APOOL: variants seen among roughly 807,000 people sequenced by gnomAD.
APOOL encodes apolipoprotein O like.
In APOOL, 12 loss-of-function variants were observed where a neutral mutation model predicts 23.1. That is an observed-to-expected ratio of 0.52 (90% CI 0.33 to 0.84). The LOEUF (loss-of-function observed/expected upper bound fraction) is 0.84. Among genes scored for constraint, APOOL ranks in the 40% least tolerant of loss-of-function variants. The probability of loss-of-function intolerance (pLI) is 0.02; values close to 1 mark genes in which losing one functional copy is unlikely to be tolerated. For synonymous variants in APOOL, 77 were observed against 69.9 expected (o/e 1.10, Z -0.51); for missense variants, 212 against 199.6 (o/e 1.06, Z -0.37).
intron 1 of APOOL, among the ~76,000 whole-genome samples, chrX:85,009,022 A>ATTGC (rs1384475685): frequency 9.0e-6 from 1 of 111,181 alleles, no homozygotes; most frequent in Non-Finnish European, 1.9e-5. Context: ...TTTAAATGGG[A>ATTGC]TTGCTTTCTT....
Position 85,047,308 on chromosome X carries a change from G to A in APOOL, c.120+758G>A, listed in dbSNP as rs779528545. Among the ~76,000 whole-genome samples the A allele has an allele frequency of 1.2e-3, 134 of 111,615 alleles. 3 individuals are homozygous for A. Among genetic ancestry groups the A allele is most frequent in the Non-Finnish European group, 3.6e-4 (19 of 52,966 alleles). ...ATCATGATCAGCCTCTGCCAAGCATGTTCAGGATAGTGTTTTCTTCAGGTG... is the reference window on the plus strand; with the variant it reads ...ATCATGATCAGCCTCTGCCAAGCATATTCAGGATAGTGTTTTCTTCAGGTG... On this transcript the variant is annotated intron_variant, in intron 2 of 8. Coordinates refer to ENST00000373173, the MANE Select transcript of APOOL (RefSeq NM_198450.6).
chrX:85,048,979 A>G (rs936233492), intron 2 of APOOL, among the ~76,000 whole-genome samples: 6 of 111,315 alleles, frequency 5.4e-5, no homozygotes, highest in Middle Eastern at 4.7e-3. Context: ...ATGCATGTAT[A>G]CAGCCAGCCC....
intron 8 of APOOL, among the ~76,000 whole-genome samples, chrX:85,081,047 A>G (rs768960582): frequency 8.1e-5 from 9 of 111,099 alleles, no homozygotes; most frequent in Admixed American, 4.8e-4. Context: ...TCTTTATCCA[A>G]TTTGCCAGTC....
intron 5 of APOOL, among the ~76,000 whole-genome samples, chrX:85,065,543 C>T (rs1350246671): frequency 2.7e-5 from 3 of 110,729 alleles, no homozygotes; most frequent in Non-Finnish European, 3.8e-5. Flanking sequence ...GTTTAGTGCA[C>T]AGCGCAGGCG....
intron 1 of APOOL, among the ~76,000 whole-genome samples, chrX:85,012,110 G>A (rs936677195): frequency 9.0e-5 from 10 of 111,302 alleles, no homozygotes; most frequent in Admixed American, 2.9e-4. Flanking sequence ...TGCAGCTGTC[G>A]TAAAAGGGAT....
Position 85,046,014 on chromosome X carries a change from A to G in APOOL, c.16-432A>G, listed in dbSNP as rs751280638. Among the ~76,000 whole-genome samples the G allele has an allele frequency of 1.4e-4, 15 of 111,039 alleles. No individual in the cohort carries two copies. The South Asian group carries it at 3.0e-3, about 22-fold the overall frequency. On this transcript the variant is annotated intron_variant, in intron 1 of 8. Coordinates refer to ENST00000373173, the MANE Select transcript of APOOL (RefSeq NM_198450.6). ...TCCTCTCTACTGGAATGTCATTTGT[A>G]TGAGAACAGGAATCTTTGTTTTGTT... is the stretch of plus-strand genomic sequence containing the variant.
At position 85,039,233 on chromosome X, in the gene APOOL, C is replaced by CTT. The variant is rs1211689871; in HGVS notation, c.16-7202_16-7201dup. On this transcript the variant is annotated intron_variant, in intron 1 of 8. Transcript: ENST00000373173. Reference sequence around the variant, plus strand: ...TGGTTTTGAGAGATTTTGGTATCGACTTTTTTTTTTTTAATTGCACGTGGT... The same window carrying CTT: ...TGGTTTTGAGAGATTTTGGTATCGACTTTTTTTTTTTTTTAATTGCACGTGGT... Among the ~76,000 whole-genome samples the CTT allele has an allele frequency of 4.1e-5, 4 of 98,336 alleles. No homozygotes were observed. In the South Asian group the frequency reaches 1.8e-3, roughly 43 times the overall value. 85.4% of individuals were successfully genotyped at this position (98,336 alleles called of 115,157 possible).
At chrX:85,033,979 A>G (rs905682409) in intron 1 of APOOL, among the ~76,000 whole-genome samples, 1 of 111,509 alleles carries the variant, frequency 9.0e-6, no homozygotes, top group African/African-American at 3.3e-5. Flanking sequence ...GAAGTGGCCA[A>G]CTGGAGTAAC....
chrX:85,049,400 C>T (rs1328487951), intron 2 of APOOL, among the ~76,000 whole-genome samples: 1 of 111,540 alleles, frequency 9.0e-6, no homozygotes, highest in Admixed American at 9.6e-5. Flanking sequence ...ACCATTCTGA[C>T]CCCTTTGAGA....
At chrX:85,020,350 A>T (rs891581186) in intron 1 of APOOL, among the ~76,000 whole-genome samples, 1 of 111,659 alleles carries the variant, frequency 9.0e-6, no homozygotes, top group Non-Finnish European at 1.9e-5. Context: ...TCAGTTTTAC[A>T]TTGCCTATGT....
chrX:85,021,422 C>T (rs1263140011), intron 1 of APOOL, among the ~76,000 whole-genome samples: 4 of 111,008 alleles, frequency 3.6e-5, no homozygotes, highest in African/African-American at 1.3e-4. Context: ...TCCTAGGCTT[C>T]AGACCAGCCC....
At chrX:85,083,381 A>G (rs1277537058) in intron 8 of APOOL, among the ~76,000 whole-genome samples, 1 of 111,697 alleles carries the variant, frequency 9.0e-6, no homozygotes, top group African/African-American at 3.2e-5. Flanking sequence ...GGATGAAAAG[A>G]TGGAGAATGT....
rs7056335 is a variant in APOOL, at chrX:85,082,806, A to C, written c.719-4784A>C. Among the ~76,000 whole-genome samples, 670 of 112,244 alleles carry C rather than the reference A, an allele frequency of 6.0e-3. 5 individuals carry two copies. The highest frequency in any genetic ancestry group is 0.021 in the African/African-American group (647 of 30,909). Reference sequence around the variant, plus strand: ...AGAAAAGTTTGCCAATTCCTCTTCTAGAGAGAGGGCATGTGCCACATATGC... The same window carrying C: ...AGAAAAGTTTGCCAATTCCTCTTCTCGAGAGAGGGCATGTGCCACATATGC... On this transcript the variant is annotated intron_variant, in intron 8 of 8. Coordinates refer to ENST00000373173, the MANE Select transcript of APOOL (RefSeq NM_198450.6).
At position 85,063,607 on chromosome X, in the gene APOOL, G is replaced by A. The variant is rs752212088; in HGVS notation, c.395-3520G>A. Among the ~76,000 whole-genome samples, 489 of 111,172 alleles carry A rather than the reference G, an allele frequency of 4.4e-3. 1 individual carries two copies. Among genetic ancestry groups the A allele is most frequent in the African/African-American group, 0.015 (447 of 30,652 alleles). ...GAATTTTATCAAAGGCCTTTTCTGC[G>A]TCTATTCAGATAATCATGTGGTTTT... On this transcript the variant is annotated intron_variant, in intron 5 of 8. Transcript: ENST00000373173.
chrX:85,033,814 G>T (rs745586229), intron 1 of APOOL, among the ~76,000 whole-genome samples: 5 of 111,781 alleles, frequency 4.5e-5, no homozygotes, highest in Admixed American at 9.5e-5. Flanking sequence ...TTTCCATCAT[G>T]CATTTGTAGC....
At chrX:85,043,400 G>A in intron 1 of APOOL, among the ~76,000 whole-genome samples, 5 of 82,446 alleles carry the variant, frequency 6.1e-5, no homozygotes, top group Non-Finnish European at 1.2e-4. Context: ...TTCTAAATTG[G>A]AGGCTGGCAA....
chrX:85,081,743 G>A (rs1053638539), intron 8 of APOOL, among the ~76,000 whole-genome samples: 5 of 111,065 alleles, frequency 4.5e-5, no homozygotes, highest in African/African-American at 1.6e-4. Flanking sequence ...ACGTAGATTT[G>A]GTCTTTTCTC....
At chrX:85,043,626 C>A (rs1334107795) in intron 1 of APOOL, among the ~76,000 whole-genome samples, 2 of 111,685 alleles carry the variant, frequency 1.8e-5, no homozygotes, top group Admixed American at 1.9e-4. Context: ...TTAGCTTTCC[C>A]TCTTTAAGAT....
At chrX:85,081,088 T>A (rs965170614) in intron 8 of APOOL, among the ~76,000 whole-genome samples, 2 of 111,883 alleles carry the variant, frequency 1.8e-5, no homozygotes, top group Non-Finnish European at 3.8e-5. Flanking sequence ...TTTAGCCCAT[T>A]TACATTTAAG....
Sources: allele counts gnomAD v4.1 joint callset (sites outside exome capture counted in the v4.1 genomes callset), GRCh38; gene constraint gnomAD v4.1.1; transcripts MANE v1.5; gene names NCBI Gene and HGNC (gene_info 2026-07-23, HGNC 2026-07-21).